DPH6: variants seen among roughly 807,000 people sequenced by gnomAD.
DPH6 encodes the protein diphthine--ammonia ligase.
DPH6 carries 33 observed loss-of-function variants against 38.2 expected under a neutral mutation model. The ratio of observed to expected loss-of-function variants is 0.86; its 90% CI spans 0.65 to 1.15. The LOEUF (loss-of-function observed/expected upper bound fraction) is 1.15, where lower values mean the gene tolerates loss of function less well. Among genes scored for constraint, DPH6 ranks in the 50% most tolerant of loss-of-function variants. The pLI is 0.00. For synonymous variants in DPH6, 108 were observed against 103.0 expected (o/e 1.05, Z -0.30); for missense variants, 325 against 320.0 (o/e 1.02, Z -0.12).
At chr15:35,401,132 A>G in intron 6 of DPH6, 1 of 961,258 alleles carries the variant, frequency 1.0e-6, no homozygotes, top group Admixed American at 1.7e-5. Context: ...TTTGTGGATA[A>G]GACTGTCATT....
chr15:35,407,270 T>C (rs1030361817), intron 6 of DPH6, among the ~76,000 whole-genome samples: 5 of 151,888 alleles, frequency 3.3e-5, no homozygotes, highest in Non-Finnish European at 7.4e-5. Flanking sequence ...TTAAAGAAGG[T>C]TTCCAGTGAA....
At chr15:35,145,559 T>C in the DPH6 span, among the ~76,000 whole-genome samples, 5 of 152,236 alleles carry the variant, frequency 3.3e-5, 1 homozygote, top group African/African-American at 4.8e-5. Context: ...AGGCTAACAA[T>C]ACACTTGCGC....
chr15:35,542,908 TAAGG>T (rs2055276917), intron 1 of DPH6, among the ~76,000 whole-genome samples: 1 of 132,774 alleles, frequency 7.5e-6, no homozygotes, highest in Non-Finnish European at 1.6e-5. Flanking sequence ...TTATTCCACT[TAAGG>T]AATATATATA....
chr15:35,520,005 C>T (rs1272539007), intron 3 of DPH6: 1 of 152,006 alleles, frequency 6.6e-6, no homozygotes, highest in Non-Finnish European at 1.5e-5. Flanking sequence ...CATAGCACCT[C>T]CTTATCCATT....
chr15:35,243,764 C>A (rs1416508058), intron 3 of DPH6, among the ~76,000 whole-genome samples: 2 of 152,042 alleles, frequency 1.3e-5, no homozygotes, highest in Admixed American at 6.6e-5. Flanking sequence ...CCCGCCTGCA[C>A]CCAGGTGAAA....
intron 3 of DPH6, among the ~76,000 whole-genome samples, chr15:35,459,463 T>C (rs893550774): frequency 6.6e-6 from 1 of 152,210 alleles, no homozygotes; most frequent in Non-Finnish European, 1.5e-5. Flanking sequence ...CATGTGAGGC[T>C]AGGGCTTCAA....
chr15:35,410,442 T>C (rs1027474411), intron 6 of DPH6, among the ~76,000 whole-genome samples: 2 of 151,700 alleles, frequency 1.3e-5, no homozygotes, highest in African/African-American at 2.4e-5. Context: ...AATTTCCTAA[T>C]TGGTAAAAGA....
chr15:35,534,869 A>T (rs1317833879), intron 3 of DPH6, among the ~76,000 whole-genome samples: 2 of 152,216 alleles, frequency 1.3e-5, no homozygotes, highest in Non-Finnish European at 2.9e-5. Flanking sequence ...TGGCTATGGC[A>T]GTTTTAGGTC....
intron 6 of DPH6, among the ~76,000 whole-genome samples, chr15:35,397,869 A>ATACACACACGCACG (rs1555398531): frequency 9.2e-6 from 1 of 108,494 alleles, no homozygotes; most frequent in Non-Finnish European, 2.1e-5. Context: ...TTATATATAT[A>ATACACACACGCACG]CACACACACA....
At chr15:35,278,793 T>C (rs909650790) in intron 3 of DPH6, among the ~76,000 whole-genome samples, 5 of 152,162 alleles carry the variant, frequency 3.3e-5, no homozygotes, top group Non-Finnish European at 7.3e-5. Context: ...CTCAAGCCCA[T>C]AATCCCAGCA....
chr15:35,415,814 G>T (rs1359297634), intron 5 of DPH6, among the ~76,000 whole-genome samples: 1 of 151,912 alleles, frequency 6.6e-6, no homozygotes. Context: ...AAACATTAGA[G>T]AAAAATTTTC....
At chr15:35,499,073 A>G (rs1310350491) in intron 3 of DPH6, among the ~76,000 whole-genome samples, 1 of 151,936 alleles carries the variant, frequency 6.6e-6, no homozygotes, top group Non-Finnish European at 1.5e-5. Flanking sequence ...GCAACCTCCT[A>G]GAGTAGTGAG....
the DPH6 span, among the ~76,000 whole-genome samples, chr15:35,183,331 G>A: frequency 6.6e-6 from 1 of 152,188 alleles, no homozygotes; most frequent in Non-Finnish European, 1.5e-5. Flanking sequence ...CAAGCTGTGA[G>A]TTAGTTCTAC....
intron 3 of DPH6, among the ~76,000 whole-genome samples, chr15:35,460,497 T>C (rs1207396899): frequency 6.6e-6 from 1 of 152,208 alleles, no homozygotes; most frequent in Admixed American, 6.5e-5. Flanking sequence ...CTATTCTGCT[T>C]AGGCCATTAT....
At chr15:35,430,828 T>C (rs952872709) in intron 5 of DPH6, among the ~76,000 whole-genome samples, 1 of 152,124 alleles carries the variant, frequency 6.6e-6, no homozygotes, top group Non-Finnish European at 1.5e-5. Flanking sequence ...CTAAAACCCA[T>C]AGCTGTATCT....
chr15:35,280,890 T>C (rs372867950), intron 3 of DPH6, among the ~76,000 whole-genome samples: 1 of 152,306 alleles, frequency 6.6e-6, no homozygotes, highest in East Asian at 1.9e-4. Context: ...GGACAGACAA[T>C]TGACTTACTT....
At chr15:35,435,240 T>C (rs2053682637) in intron 5 of DPH6, among the ~76,000 whole-genome samples, 1 of 152,180 alleles carries the variant, frequency 6.6e-6, no homozygotes, top group Admixed American at 6.5e-5. Context: ...TCCTTACATA[T>C]TTTAAGTTTG....
intron 3 of DPH6, among the ~76,000 whole-genome samples, chr15:35,487,114 G>C (rs1046116467): frequency 6.6e-6 from 1 of 152,188 alleles, no homozygotes; most frequent in Admixed American, 6.5e-5. Flanking sequence ...GATCTGTAGG[G>C]TTAAAGCTCC....
chr15:35,387,006 A>G (rs1378085655), intron 6 of DPH6, among the ~76,000 whole-genome samples: 1 of 152,184 alleles, frequency 6.6e-6, no homozygotes, highest in African/African-American at 2.4e-5. Context: ...TCCATCTTGA[A>G]TTAATTTTTG....
Sources: allele counts gnomAD v4.1 joint callset (sites outside exome capture counted in the v4.1 genomes callset), GRCh38; gene constraint gnomAD v4.1.1; transcripts MANE v1.5; gene names NCBI Gene and HGNC (gene_info 2026-07-23, HGNC 2026-07-21).